The following SH3BP5 variants were observed in gnomAD, a reference collection of about 807,000 sequenced individuals.
SH3BP5 encodes the protein SH3 domain-binding protein 5.
Under a neutral mutation model 43.3 loss-of-function variants are expected in SH3BP5, and 22 were observed. That is an observed-to-expected ratio of 0.51 (90% confidence interval 0.36 to 0.73). The LOEUF is 0.73. Ranked by LOEUF, SH3BP5 falls within the 30% of genes least tolerant of loss-of-function variation. The pLI, the probability that SH3BP5 is intolerant of heterozygous loss-of-function variation, is 0.00. For synonymous variants in SH3BP5, 255 were observed against 225.8 expected, an observed-to-expected ratio of 1.13 and a Z score of -1.16; for missense variants, 529 against 586.9, an observed-to-expected ratio of 0.90 and a Z score of 1.02.
At chr3:15,288,689 G>A (rs531301265) in intron 3 of SH3BP5, among the ~76,000 whole-genome samples, 25 of 152,288 alleles carry the variant, frequency 1.6e-4, no homozygotes, top group African/African-American at 5.3e-4. Flanking sequence ...GCAGTGAGCC[G>A]GGATTGCACC....
Position 15,256,179 on chromosome 3 carries a change from C to G in SH3BP5, c.1275G>C (p.Gln425His), listed in dbSNP as rs751538917. ...KSQSSTSPEG[Q>H]ALENRMKQLS... ...GCTGCTTCATCCGGTTCTCCAAGGC[C>G]TGGCCCTCAGGGGAGGTGCTGCTTT... Residue 425 changes from glutamine (Q) to histidine (H), a missense_variant, in exon 9 of 9, where the codon CAG becomes CAC. This residue lies in a region of SH3BP5 where 369 missense variants were observed against 384.3 expected (regional missense o/e 0.96). Coordinates refer to ENST00000383791, the MANE Select transcript of SH3BP5 (RefSeq NM_004844.5). The G allele has an allele frequency of 6.2e-7, 1 of 1,614,182 alleles. No individual in the cohort carries two copies. The highest frequency in any genetic ancestry group is 8.5e-7 in the Non-Finnish European group (1 of 1,180,016).
chr3:15,256,991 A>G lies in SH3BP5; in HGVS notation c.1012T>C (p.Phe338Leu). 1 of 1,614,226 alleles carries G rather than the reference A, an allele frequency of 6.2e-7. No individual in the cohort carries two copies. The highest frequency in any genetic ancestry group is 8.5e-7 in the Non-Finnish European group (1 of 1,180,034). ...CTGCCAGGCCTCACAACCGCAGGGA[A>G]CTGGTCAGGCATCTCAGACGGGCTT... is the stretch of plus-strand genomic sequence containing the variant. ...PTSPSEMPDQ[F>L]PAVVRPGSLD... The change falls in exon 8 of 9, where the codon TTC becomes CTC. Residue 338 changes from phenylalanine to leucine, a missense_variant. Physicochemically the swap from Phe to Leu is conservative, Grantham distance 22. Transcript: ENST00000383791.
intron 2 of SH3BP5, among the ~76,000 whole-genome samples, chr3:15,309,670 G>A (rs1224407650): frequency 6.6e-6 from 1 of 152,130 alleles, no homozygotes; most frequent in African/African-American, 2.4e-5. Flanking sequence ...TGATTCTGAT[G>A]GGCAGGTTCA....
chr3:15,332,428 G>C lies in SH3BP5; in HGVS notation c.-20C>G. 2 of 1,528,986 alleles carry C rather than the reference G, an allele frequency of 1.3e-6. No individual in the cohort carries two copies. The highest frequency in any genetic ancestry group is 8.7e-7 in the Non-Finnish European group (1 of 1,143,434). 94.7% of individuals were successfully genotyped at this position (1,528,986 alleles called of 1,614,324 possible). A position where few individuals can be genotyped will look rare whatever the true frequency, so the allele number is the denominator to read the frequency against. Reference sequence around the variant, plus strand: ...GTCCATGCAGGCAGCCGGCACGCGCGCCGCGCAGTGGGCTCCGGAGCGCCC... The same window carrying C: ...GTCCATGCAGGCAGCCGGCACGCGCCCCGCGCAGTGGGCTCCGGAGCGCCC... On this transcript the variant is annotated 5_prime_UTR_variant, in exon 1 of 9. Coordinates refer to ENST00000383791, the MANE Select transcript of SH3BP5 (RefSeq NM_004844.5).
chr3:15,302,180 C>T (rs1241091425), intron 3 of SH3BP5, among the ~76,000 whole-genome samples: 1 of 152,194 alleles, frequency 6.6e-6, no homozygotes, highest in Non-Finnish European at 1.5e-5. Context: ...GGGTAGGACA[C>T]ATCCTCAACT....
At chr3:15,307,064 T>C (rs1334932787) in intron 2 of SH3BP5, among the ~76,000 whole-genome samples, 1 of 152,136 alleles carries the variant, frequency 6.6e-6, no homozygotes, top group Non-Finnish European at 1.5e-5. Flanking sequence ...TCCCAAGCTG[T>C]TGGCTTGCTA....
intron 1 of SH3BP5, among the ~76,000 whole-genome samples, chr3:15,340,907 C>G (rs1344637616): frequency 6.6e-6 from 1 of 151,902 alleles, no homozygotes; most frequent in Non-Finnish European, 1.5e-5. Flanking sequence ...ACAAAATCAG[C>G]TGGGCATGGT....
At chr3:15,272,790 T>G (rs1158855007) in intron 3 of SH3BP5, among the ~76,000 whole-genome samples, 1 of 152,186 alleles carries the variant, frequency 6.6e-6, no homozygotes, top group Non-Finnish European at 1.5e-5. Flanking sequence ...AATGCCAGGC[T>G]AAACCTTCAA....
intron 3 of SH3BP5, among the ~76,000 whole-genome samples, chr3:15,283,121 G>C (rs1697172226): frequency 1.3e-5 from 2 of 152,338 alleles, no homozygotes; most frequent in South Asian, 4.1e-4. Flanking sequence ...AACAAGACCA[G>C]GTGCGGTGGC....
At chr3:15,323,132 A>AAATAAATC (rs1698375595) in intron 2 of SH3BP5, among the ~76,000 whole-genome samples, 1 of 64,480 alleles carries the variant, frequency 1.6e-5, no homozygotes, top group Non-Finnish European at 3.1e-5. Context: ...TGTCTCAAAT[A>AAATAAATC]AATAAATAAA....
At chr3:15,262,064 T>G in intron 5 of SH3BP5, 95 bp downstream of exon 5, 1 of 1,440,484 alleles carries the variant, frequency 6.9e-7, no homozygotes, top group Non-Finnish European at 9.6e-7. Context: ...AAAGGACTAC[T>G]CAGGGTGGTC....
chr3:15,271,739 A>C (rs1696804405), intron 3 of SH3BP5: 1 of 152,014 alleles, frequency 6.6e-6, no homozygotes, highest in African/African-American at 2.4e-5. Context: ...TTTTACTGTG[A>C]CCACAGGGAA....
chr3:15,304,554 C>T (rs1409370771), intron 2 of SH3BP5, among the ~76,000 whole-genome samples: 1 of 152,190 alleles, frequency 6.6e-6, no homozygotes, highest in Non-Finnish European at 1.5e-5. Flanking sequence ...GTAGCTCACG[C>T]CTGTAATCCC....
At chr3:15,269,244 G>A (rs143994666) in intron 4 of SH3BP5, among the ~76,000 whole-genome samples, 12 of 152,244 alleles carry the variant, frequency 7.9e-5, no homozygotes, top group African/African-American at 1.9e-4. Flanking sequence ...AAGGCCTGTC[G>A]TAAGTACACA....
chr3:15,321,332 T>C (rs934917159), intron 2 of SH3BP5, among the ~76,000 whole-genome samples: 3 of 152,188 alleles, frequency 2.0e-5, no homozygotes, highest in Non-Finnish European at 4.4e-5. Context: ...TTTATAGCAC[T>C]TTTCATCCTT....
chr3:15,266,283 G>C (rs3773470), intron 4 of SH3BP5, among the ~76,000 whole-genome samples: 49,194 of 152,136 alleles, frequency 0.32, 9,211 homozygotes, highest in African/African-American at 0.51. Flanking sequence ...ACCCACCAAC[G>C]TCAGGGAGGC....
At chr3:15,282,996 A>G (rs1174555571) in intron 3 of SH3BP5, among the ~76,000 whole-genome samples, 1 of 152,232 alleles carries the variant, frequency 6.6e-6, no homozygotes, top group Non-Finnish European at 1.5e-5. Flanking sequence ...TACCTTCCAC[A>G]TAATCACAAA....
intron 3 of SH3BP5, among the ~76,000 whole-genome samples, chr3:15,293,352 C>G (rs113439747): frequency 1.3e-5 from 2 of 152,218 alleles, no homozygotes; most frequent in Admixed American, 6.5e-5. Flanking sequence ...GCAAGAACTG[C>G]CCCCAGGCAG....
rs1233870041 is a variant in SH3BP5 at position 15,256,988 on chromosome 3, G to A, written c.1015C>T (p.Pro339Ser). ...TSPSEMPDQF[P>S]AVVRPGSLDL... Reference sequence around the variant, plus strand: ...AGGCTGCCAGGCCTCACAACCGCAGGGAACTGGTCAGGCATCTCAGACGGG... The same window carrying A: ...AGGCTGCCAGGCCTCACAACCGCAGAGAACTGGTCAGGCATCTCAGACGGG... Residue 339 changes from proline to serine, a missense_variant, in exon 8 of 9, where the codon CCT becomes TCT. Physicochemically the swap from Pro to Ser is moderately conservative, Grantham distance 74. Coordinates refer to ENST00000383791, the MANE Select transcript of SH3BP5 (RefSeq NM_004844.5). The A allele has an allele frequency of 6.2e-7, 1 of 1,614,220 alleles. No individual in the cohort carries two copies. The highest frequency in any genetic ancestry group is 8.5e-7 in the Non-Finnish European group (1 of 1,180,040).
Sources: allele counts gnomAD v4.1 joint callset (sites outside exome capture counted in the v4.1 genomes callset), GRCh38; gene constraint gnomAD v4.1.1; regional missense constraint gnomAD v4.1.1; transcripts MANE v1.5; gene names NCBI Gene and HGNC (gene_info 2026-07-23, HGNC 2026-07-21).